DCAF10: variants seen among roughly 807,000 people sequenced by gnomAD.
The protein encoded by DCAF10 is DDB1 and CUL4 associated factor 10.
Under a neutral mutation model 51.9 loss-of-function variants are expected in DCAF10, and 19 were observed. The observed-to-expected ratio is 0.37, with a 90% CI of 0.26 to 0.54. DCAF10 has a LOEUF of 0.54. DCAF10 is among the 20% of genes least tolerant of loss of function. DCAF10 has a pLI of 0.87. For synonymous variants in DCAF10, 291 were observed against 297.1 expected (o/e 0.98, Z 0.21); for missense variants, 510 against 730.6 (o/e 0.70, Z 3.48).
chr9:37,850,203 T>G (rs1256964827), intron 3 of DCAF10, among the ~76,000 whole-genome samples: 2 of 152,206 alleles, frequency 1.3e-5, no homozygotes, highest in East Asian at 3.8e-4. Context: ...AGATATAAAT[T>G]ATGGAAGACA....
At position 37,863,325 on chromosome 9, in the gene DCAF10, C is replaced by CA. The variant is rs770292432; in HGVS notation, c.*1841dup. ...TAGGCGACAGAGCGAGACTCTGTCT[C>CA]AAAAAAAAAAAAAAAAAAAAAAAAT... is the stretch of plus-strand genomic sequence containing the variant. On this transcript the variant is annotated 3_prime_UTR_variant, in exon 7 of 7. Transcript: ENST00000377724. The CA allele has an allele frequency of 0.054, 2,970 of 55,262 alleles. 121 individuals carry two copies. Among genetic ancestry groups the CA allele is most frequent in the East Asian group, 0.13 (236 of 1,836 alleles). The allele number at this position is 55,262 out of a possible 1,614,324, so 3.4% of individuals were successfully genotyped here.
intron 5 of DCAF10, 53 bp downstream of exon 5, chr9:37,857,404 G>C (rs559334153): frequency 5.3e-6 from 7 of 1,319,040 alleles, no homozygotes; most frequent in Non-Finnish European, 7.4e-6. Flanking sequence ...ATGCCAATCT[G>C]ATTAATTATT....
At chr9:37,859,332 C>T (rs1017383189) in intron 5 of DCAF10, among the ~76,000 whole-genome samples, 12 of 152,320 alleles carry the variant, frequency 7.9e-5, no homozygotes, top group Admixed American at 2.0e-4. Flanking sequence ...TGCTTCCTTA[C>T]AGTGTCTATG....
At chr9:37,806,360 C>G (rs1258732923) in intron 1 of DCAF10, among the ~76,000 whole-genome samples, 1 of 152,302 alleles carries the variant, frequency 6.6e-6, no homozygotes, top group African/African-American at 2.4e-5. Context: ...AAGAGACTGT[C>G]AGCAAACATC....
chr9:37,849,480 G>A (rs1830570349), intron 3 of DCAF10, among the ~76,000 whole-genome samples: 2 of 152,172 alleles, frequency 1.3e-5, no homozygotes, highest in Non-Finnish European at 2.9e-5. Context: ...AGGCACCGTG[G>A]CTCATGCCTA....
At chr9:37,858,874 T>C (rs1830931069) in intron 5 of DCAF10, among the ~76,000 whole-genome samples, 1 of 152,146 alleles carries the variant, frequency 6.6e-6, no homozygotes, top group Non-Finnish European at 1.5e-5. Flanking sequence ...CAAGAAAAAT[T>C]AGGGAGGCTC....
At chr9:37,800,766 T>C, upstream of DCAF10, 2 of 1,530,092 alleles carry the variant, frequency 1.3e-6, no homozygotes, top group Non-Finnish European at 1.7e-6. Flanking sequence ...TTCCAGCCGG[T>C]GGGGTTAGGC....
intron 1 of DCAF10, among the ~76,000 whole-genome samples, chr9:37,814,591 A>C (rs1829473036): frequency 6.6e-6 from 1 of 152,060 alleles, no homozygotes; most frequent in South Asian, 2.1e-4. Context: ...TTAAAGTTTA[A>C]AAATAGAAAC....
chr9:37,825,559 C>T (rs932770410), intron 2 of DCAF10, among the ~76,000 whole-genome samples: 4 of 152,152 alleles, frequency 2.6e-5, no homozygotes, highest in Admixed American at 2.6e-4. Context: ...GCAACAGACG[C>T]TGGGGCCTTC....
At chr9:37,831,278 CTTTA>C (rs2117946927) in intron 2 of DCAF10, among the ~76,000 whole-genome samples, 1 of 152,274 alleles carries the variant, frequency 6.6e-6, no homozygotes. Context: ...CTCAAGTGTG[CTTTA>C]TTTATTAATA....
intron 1 of DCAF10, among the ~76,000 whole-genome samples, chr9:37,818,148 A>G (rs1165769505): frequency 6.6e-6 from 1 of 151,994 alleles, no homozygotes; most frequent in Admixed American, 6.6e-5. Flanking sequence ...CCCCACCACC[A>G]CACCTGGCTA....
chr9:37,848,960 G>A (rs1393659815), intron 3 of DCAF10, among the ~76,000 whole-genome samples: 6 of 138,920 alleles, frequency 4.3e-5, no homozygotes, highest in Non-Finnish European at 7.6e-5. Flanking sequence ...GCGACACAGC[G>A]AGACTCTGTC....
At chr9:37,807,424 A>G (rs578050197) in intron 1 of DCAF10, among the ~76,000 whole-genome samples, 39 of 152,270 alleles carry the variant, frequency 2.6e-4, no homozygotes, top group Non-Finnish European at 4.6e-4. Flanking sequence ...CTAGTTTCCT[A>G]TGTCAATTCA....
chr9:37,817,618 A>G (rs1401314387), intron 1 of DCAF10, among the ~76,000 whole-genome samples: 1 of 115,756 alleles, frequency 8.6e-6, no homozygotes, highest in African/African-American at 2.8e-5. Flanking sequence ...AATCTCCCAG[A>G]GTCTGGGACT....
intron 1 of DCAF10, among the ~76,000 whole-genome samples, chr9:37,807,235 A>T (rs1829140189): frequency 1.3e-5 from 2 of 152,148 alleles, no homozygotes; most frequent in Non-Finnish European, 2.9e-5. Flanking sequence ...TAATCCTAGC[A>T]CTTTGGGAGG....
chr9:37,800,738 C>A (rs1828891798), upstream of DCAF10: 3 of 1,534,324 alleles, frequency 2.0e-6, no homozygotes, highest in Non-Finnish European at 2.6e-6. Flanking sequence ...CGGACGGTGG[C>A]CGAGGGGCGG....
chr9:37,858,967 A>G (rs958452944), intron 5 of DCAF10, among the ~76,000 whole-genome samples: 3 of 152,182 alleles, frequency 2.0e-5, no homozygotes, highest in Non-Finnish European at 4.4e-5. Context: ...AGGAACCCCA[A>G]AGGAGCACAG....
At chr9:37,848,455 AAAG>A (rs1279795210) in intron 3 of DCAF10, among the ~76,000 whole-genome samples, 1 of 152,182 alleles carries the variant, frequency 6.6e-6, no homozygotes, top group Non-Finnish European at 1.5e-5. Context: ...CTGGGTGAAA[AAAG>A]CCAACTTGCA....
chr9:37,843,021 T>G (rs1302594730), intron 3 of DCAF10, among the ~76,000 whole-genome samples: 1 of 152,174 alleles, frequency 6.6e-6, no homozygotes, highest in African/African-American at 2.4e-5. Flanking sequence ...TATATTTGTT[T>G]TTGTTGTTGT....
Sources: allele counts gnomAD v4.1 joint callset (sites outside exome capture counted in the v4.1 genomes callset), GRCh38; gene constraint gnomAD v4.1.1; transcripts MANE v1.5; gene names NCBI Gene and HGNC (gene_info 2026-07-23, HGNC 2026-07-21).